The following ZNF90 variants were observed in gnomAD, a reference collection of about 807,000 sequenced individuals.
ZNF90 encodes the protein zinc finger protein HTF9.
ZNF90 carries 11 observed loss-of-function variants against 12.0 expected under a neutral mutation model. The ratio of observed to expected loss-of-function variants is 0.92; its 90% CI spans 0.58 to 1.52. The LOEUF is 1.52. Ranked by LOEUF, ZNF90 falls within the 40% of genes most tolerant of loss-of-function variation. ZNF90 has a pLI of 0.00. For synonymous variants in ZNF90, 232 were observed against 240.1 expected (o/e 0.97, Z 0.31); for missense variants, 765 against 711.5 (o/e 1.08, Z -0.86).
intron 1 of ZNF90, chr19:20,079,673 G>C (rs1190792320): frequency 6.1e-6 from 1 of 163,916 alleles, no homozygotes; most frequent in African/African-American, 2.4e-5. Context: ...GTTCTTAGGA[G>C]GGATGTAAAA....
At chr19:20,096,390 C>A (rs567816131) in intron 1 of ZNF90, among the ~76,000 whole-genome samples, 99 of 152,236 alleles carry the variant, frequency 6.5e-4, no homozygotes, top group Non-Finnish European at 1.3e-3. Context: ...AGCAATAAAG[C>A]TTTTAATCAC....
intron 1 of ZNF90, among the ~76,000 whole-genome samples, chr19:20,096,018 C>T (rs987815013): frequency 4.6e-5 from 7 of 152,122 alleles, no homozygotes; most frequent in South Asian, 2.1e-4. Context: ...TGACCGGTGC[C>T]GGAGTTTTGG....
chr19:20,094,422 C>T (rs2088926258), intron 1 of ZNF90, among the ~76,000 whole-genome samples: 1 of 152,230 alleles, frequency 6.6e-6, no homozygotes, highest in Non-Finnish European at 1.5e-5. Flanking sequence ...CTAAGGGTTG[C>T]TGCTAAGCGG....
intron 3 of ZNF90, among the ~76,000 whole-genome samples, chr19:20,113,897 T>G (rs181579891): frequency 6.6e-6 from 1 of 152,312 alleles, no homozygotes; most frequent in Admixed American, 6.5e-5. Flanking sequence ...AGAAACACTT[T>G]TGGATTTGAA....
At chr19:20,107,156 T>C in intron 3 of ZNF90, 1 of 378,742 alleles carries the variant, frequency 2.6e-6, no homozygotes, top group South Asian at 2.0e-5. Context: ...CACTGAGTCA[T>C]TGAACCGCTT....
Position 20,120,215 on chromosome 19 carries a change from C to T in ZNF90, c.*855C>T, listed in dbSNP as rs1249081898. Among the ~76,000 whole-genome samples, 2 of 152,106 alleles carry T rather than the reference C, an allele frequency of 1.3e-5. No homozygotes were observed. The highest frequency in any genetic ancestry group is 2.9e-5 in the Non-Finnish European group (2 of 68,034). ...GCACAATTATAAAAAATATGGAAAA[C>T]CCATTAATGCCTACTCACATCTTAC... On this transcript the variant is annotated 3_prime_UTR_variant, in exon 4 of 4. Transcript: ENST00000418063.
At chr19:20,117,614 T>A in intron 3 of ZNF90, 167 bp from the exon 4 acceptor site, 1 of 985,250 alleles carries the variant, frequency 1.0e-6, no homozygotes, top group Non-Finnish European at 1.2e-6. Context: ...TTTGTAAATG[T>A]AACCTGTATT....
At position 20,117,892 on chromosome 19, in the gene ZNF90, T is replaced by G; in HGVS notation, c.338T>G (p.Leu113Ter). The change falls in exon 4 of 4, where the codon TTA (leucine) becomes TGA (stop). Residue 113 changes from leucine to a stop codon, truncating the protein, a stop_gained. Transcript: ENST00000418063. LOFTEE classifies it low-confidence loss of function (END_TRUNC). ...AAACGTGAATATGGCAATTTAGAGT[T>G]AAAAAAAGGTTGTGAAAGTGTGGAT... ...YEKREYGNLE[L>*]KKGCESVDEG... 1 of 1,611,492 alleles carries G rather than the reference T, an allele frequency of 6.2e-7. No homozygotes were observed. Among genetic ancestry groups the G allele is most frequent in the South Asian group, 1.1e-5 (1 of 90,566 alleles).
rs781792449 is a variant in ZNF90, at chr19:20,118,861, G to T, written c.1307G>T (p.Arg436Leu). 2 of 1,591,894 alleles carry T rather than the reference G, an allele frequency of 1.3e-6. No homozygotes were observed. Among genetic ancestry groups the T allele is most frequent in the South Asian group, 1.1e-5 (1 of 89,718 alleles). The change falls in exon 4 of 4, where the codon CGC becomes CTC. Residue 436 changes from arginine to leucine, a missense_variant. Transcript: ENST00000418063. ...CAAGAATGTGACAAAGTCTTCAAAC[G>T]CTCCTCAGCCCTTAGCACACATAAG... Reference protein sequence around the residue: ...KCQECDKVFKRSSALSTHKII... With the variant: ...KCQECDKVFKLSSALSTHKII...
chr19:20,080,380 T>C (rs2088810895), intron 1 of ZNF90: 2 of 423,128 alleles, frequency 4.7e-6, no homozygotes, highest in Non-Finnish European at 9.3e-6. Flanking sequence ...GCACCGTATT[T>C]CTTCTTACCT....
At chr19:20,100,648 G>A (rs1221681915) in intron 1 of ZNF90, among the ~76,000 whole-genome samples, 1 of 152,106 alleles carries the variant, frequency 6.6e-6, no homozygotes, top group Non-Finnish European at 1.5e-5. Flanking sequence ...AGCAGTCATT[G>A]GCCAACCTCC....
At chr19:20,109,301 TTGTC>T (rs1172548215) in intron 3 of ZNF90, among the ~76,000 whole-genome samples, 3 of 152,202 alleles carry the variant, frequency 2.0e-5, no homozygotes, top group Admixed American at 6.5e-5. Flanking sequence ...GTATGTGTGT[TTGTC>T]TGTAAATATG....
chr19:20,107,066 A>T (rs1053488912), intron 3 of ZNF90: 23 of 450,008 alleles, frequency 5.1e-5, no homozygotes, highest in Non-Finnish European at 8.5e-5. Flanking sequence ...CTGACTGAGT[A>T]CCAGACAGCA....
At chr19:20,105,699 AG>A (rs2089030254) in intron 3 of ZNF90, among the ~76,000 whole-genome samples, 1 of 152,176 alleles carries the variant, frequency 6.6e-6, no homozygotes, top group Admixed American at 6.5e-5. Context: ...GAAATGTGTG[AG>A]GGCAGTAGTA....
intron 3 of ZNF90, among the ~76,000 whole-genome samples, chr19:20,106,618 TA>T (rs1420254095): frequency 6.6e-6 from 1 of 152,204 alleles, no homozygotes; most frequent in Non-Finnish European, 1.5e-5. Context: ...CACGCCCAGC[TA>T]ATTTTTTGTA....
chr19:20,112,546 T>A (rs1007116892), intron 3 of ZNF90, among the ~76,000 whole-genome samples: 6 of 151,494 alleles, frequency 4.0e-5, no homozygotes, highest in Admixed American at 3.9e-4. Flanking sequence ...GGTCTCAGAC[T>A]CTTGATCTCA....
Position 20,104,353 on chromosome 19 carries a change from C to G in ZNF90, c.118C>G (p.Leu40Val). The G allele has an allele frequency of 6.2e-7, 1 of 1,613,380 alleles. No individual in the cohort carries two copies. Among genetic ancestry groups the G allele is most frequent in the Non-Finnish European group, 8.5e-7 (1 of 1,179,712 alleles). ...RDVMLENYRH[L>V]VFLGIVVTKP... is the part of the protein sequence containing the mutation. ...TGTGATGTTAGAGAACTACAGACACCTGGTCTTCCTTGGTGAGGATAAGTG... is the reference window on the plus strand; with the variant it reads ...TGTGATGTTAGAGAACTACAGACACGTGGTCTTCCTTGGTGAGGATAAGTG... Residue 40 changes from leucine (L) to valine (V), a missense_variant, in exon 2 of 4, where the codon CTG becomes GTG. Leu to Val is a conservative substitution (Grantham distance 32). Transcript: ENST00000418063.
chr19:20,092,716 G>A (rs143380491), intron 1 of ZNF90, among the ~76,000 whole-genome samples: 330 of 152,284 alleles, frequency 2.2e-3, no homozygotes, highest in African/African-American at 7.5e-3. Flanking sequence ...GGATACGATC[G>A]GCAGGGAGAG....
intron 1 of ZNF90, among the ~76,000 whole-genome samples, chr19:20,095,892 T>C (rs2088941110): frequency 6.6e-6 from 1 of 151,792 alleles, no homozygotes; most frequent in Non-Finnish European, 1.5e-5. Context: ...CCGCTAAGGG[T>C]GAAGGACCAA....
Sources: allele counts gnomAD v4.1 joint callset (sites outside exome capture counted in the v4.1 genomes callset), GRCh38; gene constraint gnomAD v4.1.1; transcripts MANE v1.5; gene names NCBI Gene and HGNC (gene_info 2026-07-23, HGNC 2026-07-21).